PLPPR5: variants seen among roughly 807,000 people sequenced by gnomAD.
The protein encoded by PLPPR5 is phospholipid phosphatase related 5, also known as phospholipid phosphatase-related protein type 5.
Under a neutral mutation model 33.9 loss-of-function variants are expected in PLPPR5, and 16 were observed. The observed-to-expected ratio is 0.47, with a 90% confidence interval of 0.32 to 0.72. The LOEUF is 0.72. Among genes scored for constraint, PLPPR5 ranks in the 30% least tolerant of loss-of-function variants. The probability of loss-of-function intolerance (pLI) is 0.03; values close to 1 mark genes in which losing one functional copy is unlikely to be tolerated. For synonymous variants in PLPPR5, 163 were observed against 150.3 expected, an observed-to-expected ratio of 1.08 and a Z score of -0.62; for missense variants, 301 against 406.7, an observed-to-expected ratio of 0.74 and a Z score of 2.23.
chr1:98,981,011 G>T (rs944289292), intron 1 of PLPPR5, among the ~76,000 whole-genome samples: 2 of 151,944 alleles, frequency 1.3e-5, no homozygotes, highest in African/African-American at 4.8e-5. Context: ...TTATTTCAAA[G>T]TGAGAAAAAC....
intron 2 of PLPPR5, among the ~76,000 whole-genome samples, chr1:98,954,120 G>A (rs33924252): frequency 0.12 from 18,266 of 151,676 alleles, 1,248 homozygotes; most frequent in East Asian, 0.23. Flanking sequence ...CCTTTGCTAA[G>A]GAACTTGCCA....
intron 5 of PLPPR5, among the ~76,000 whole-genome samples, chr1:98,893,618 C>CTTTTT (rs58092144): frequency 0.11 from 9,994 of 89,614 alleles, 429 homozygotes; most frequent in Non-Finnish European, 0.16. Flanking sequence ...TTCACAGCGC[C>CTTTTT]TTTTTTTTTT....
chr1:98,978,413 A>G (rs1019946691), intron 1 of PLPPR5, among the ~76,000 whole-genome samples: 2 of 152,024 alleles, frequency 1.3e-5, no homozygotes, highest in Non-Finnish European at 2.9e-5. Context: ...TTTCAGCTAC[A>G]TGTAAATTAT....
At chr1:98,916,096 A>G (rs181158109) in intron 4 of PLPPR5, among the ~76,000 whole-genome samples, 1 of 152,326 alleles carries the variant, frequency 6.6e-6, no homozygotes, top group Non-Finnish European at 1.5e-5. Context: ...TTTCTTTCAT[A>G]GAGTTCATTA....
At chr1:98,939,866 C>T (rs530940593) in intron 3 of PLPPR5, among the ~76,000 whole-genome samples, 1 of 152,102 alleles carries the variant, frequency 6.6e-6, no homozygotes, top group African/African-American at 2.4e-5. Flanking sequence ...CCTCTCCTTT[C>T]ACCTCATTTT....
chr1:98,989,873 T>C (rs1227337054), intron 1 of PLPPR5, among the ~76,000 whole-genome samples: 1 of 152,176 alleles, frequency 6.6e-6, no homozygotes, highest in African/African-American at 2.4e-5. Flanking sequence ...GCTCAGCTCA[T>C]TGGAACTCAC....
At chr1:98,895,591 T>C (rs1023492539) in intron 5 of PLPPR5, among the ~76,000 whole-genome samples, 2 of 152,054 alleles carry the variant, frequency 1.3e-5, no homozygotes, top group Non-Finnish European at 2.9e-5. Context: ...TAATACTCTT[T>C]TCCTATGCAA....
rs1474396736 is a variant in PLPPR5, at chr1:98,893,009, T to C, written c.*63A>G. The C allele has an allele frequency of 8.1e-6, 12 of 1,476,106 alleles. No homozygotes were observed. Among genetic ancestry groups the C allele is most frequent in the Non-Finnish European group, 1.0e-5 (11 of 1,066,172 alleles). 91.4% of individuals were successfully genotyped at this position (1,476,106 alleles called of 1,614,324 possible). A position where few individuals can be genotyped will look rare whatever the true frequency, so the allele number is the denominator to read the frequency against. Reference sequence around the variant, plus strand: ...CACTTGCAATCAAACAAACTTTGGGTGTTATGAATGGATGGTAAAAAGGGA... The same window carrying C: ...CACTTGCAATCAAACAAACTTTGGGCGTTATGAATGGATGGTAAAAAGGGA... On this transcript the variant is annotated 3_prime_UTR_variant, in exon 6 of 6. Coordinates refer to ENST00000263177, the MANE Select transcript of PLPPR5 (RefSeq NM_001037317.2).
chr1:98,974,057 T>G (rs749753704), intron 1 of PLPPR5, among the ~76,000 whole-genome samples: 1 of 151,872 alleles, frequency 6.6e-6, no homozygotes, highest in Non-Finnish European at 1.5e-5. Flanking sequence ...AAAGGGCACA[T>G]GCAAATAATG....
chr1:99,004,615 G>C lies in PLPPR5; in HGVS notation c.57C>G (p.Ile19Met), dbSNP rs755405084. 14 of 1,613,150 alleles carry C rather than the reference G, an allele frequency of 8.7e-6. No individual in the cohort carries two copies. In the Middle Eastern group the frequency reaches 6.6e-4, roughly 76 times the overall value. ...ACGCCAGCATCACCGTCCCTGCCAT[G>C]ATCACCATCTGGAAATAGAGCATGC... Reference protein sequence around the residue: ...TSSMLYFQMVIMAGTVMLAYY... With the variant: ...TSSMLYFQMVMMAGTVMLAYY... Residue 19 changes from isoleucine to methionine, a missense_variant, in exon 1 of 6, where the codon ATC becomes ATG. Transcript: ENST00000263177.
chr1:98,923,342 G>A (rs546134837), intron 3 of PLPPR5, among the ~76,000 whole-genome samples: 1 of 152,282 alleles, frequency 6.6e-6, no homozygotes, highest in East Asian at 1.9e-4. Flanking sequence ...ACGTCAATAA[G>A]TATCTGGTAT....
intron 3 of PLPPR5, among the ~76,000 whole-genome samples, chr1:98,930,468 A>C (rs1649923743): frequency 6.6e-6 from 1 of 152,192 alleles, no homozygotes; most frequent in African/African-American, 2.4e-5. Flanking sequence ...TTAAATATTA[A>C]GTCACAATTA....
At chr1:98,922,903 T>A (rs1201059480) in intron 3 of PLPPR5, among the ~76,000 whole-genome samples, 1 of 152,010 alleles carries the variant, frequency 6.6e-6, no homozygotes, top group African/African-American at 2.4e-5. Context: ...GAGAATGGCA[T>A]GAACCCAGAA....
At chr1:98,971,509 A>G (rs6675034) in intron 1 of PLPPR5, among the ~76,000 whole-genome samples, 3,001 of 151,828 alleles carry the variant, frequency 0.02, 103 homozygotes, top group African/African-American at 0.069. Context: ...TTTTTTTTGA[A>G]CTCTGAGATA....
intron 1 of PLPPR5, among the ~76,000 whole-genome samples, chr1:98,958,117 G>A (rs1651082051): frequency 6.6e-6 from 1 of 152,212 alleles, no homozygotes; most frequent in Non-Finnish European, 1.5e-5. Context: ...AGCTAACAGT[G>A]TGTCTACTAA....
intron 1 of PLPPR5, among the ~76,000 whole-genome samples, chr1:98,980,955 T>C (rs938747255): frequency 2.0e-5 from 3 of 152,190 alleles, no homozygotes; most frequent in Middle Eastern, 3.4e-3. Context: ...AAAAGTTAAC[T>C]TCTTAGTAAC....
chr1:98,900,246 C>T (rs1648647601), intron 5 of PLPPR5, among the ~76,000 whole-genome samples: 1 of 152,048 alleles, frequency 6.6e-6, no homozygotes, highest in Admixed American at 6.6e-5. Flanking sequence ...AGTTTCTTGC[C>T]CTCGTGCCCT....
chr1:98,910,948 A>G (rs1361996262), intron 5 of PLPPR5, among the ~76,000 whole-genome samples: 2 of 150,844 alleles, frequency 1.3e-5, no homozygotes, highest in East Asian at 3.9e-4. Flanking sequence ...GAAACGATGT[A>G]ATTCAAAGAC....
rs1653011712 is a variant in PLPPR5, at chr1:99,004,740, C to T, written c.-69G>A. The T allele has an allele frequency of 1.8e-6, 2 of 1,096,798 alleles. No homozygotes were observed. Among genetic ancestry groups the T allele is most frequent in the Non-Finnish European group, 2.3e-6 (2 of 856,606 alleles). The allele number at this position is 1,096,798 out of a possible 1,614,324, so 67.9% of individuals were successfully genotyped here. ...GACGCGGTGGGCCCCCTCCCCGGTC[C>T]GCCGAGGCAGCCACCGGGGGCGCGG... On this transcript the variant is annotated 5_prime_UTR_variant, in exon 1 of 6. Transcript: ENST00000263177.
Sources: gnomAD v4.1 joint callset for allele counts (sites outside exome capture counted in the v4.1 genomes callset) on GRCh38, gnomAD v4.1.1 for gene constraint, MANE v1.5 for transcripts, NCBI Gene and HGNC (gene_info 2026-07-23, HGNC 2026-07-21) for gene names.